SLC44A5: variants seen among roughly 807,000 people sequenced by gnomAD.
The protein encoded by SLC44A5 is choline transporter-like protein 5.
Under a neutral mutation model 101.8 loss-of-function variants are expected in SLC44A5, and 57 were observed. The ratio of observed to expected loss-of-function variants is 0.56; its 90% confidence interval spans 0.45 to 0.70. The LOEUF (loss-of-function observed/expected upper bound fraction) is 0.70. SLC44A5 is among the 30% of genes least tolerant of loss of function. The pLI, the probability that SLC44A5 is intolerant of heterozygous loss-of-function variation, is 0.00. For missense variants in SLC44A5, 737 were observed against 853.1 expected (o/e 0.86, Z 1.70); for synonymous variants, 281 against 290.9 (o/e 0.97, Z 0.35).
chr1:75,660,182 T>C, the SLC44A5 span, among the ~76,000 whole-genome samples: 1 of 152,116 alleles, frequency 6.6e-6, no homozygotes, highest in Non-Finnish European at 1.5e-5. Flanking sequence ...CTATCTAGCC[T>C]GGGCAACAGA....
intron 12 of SLC44A5, among the ~76,000 whole-genome samples, chr1:75,229,856 T>A (rs1647395692): frequency 6.6e-6 from 1 of 152,144 alleles, no homozygotes; most frequent in East Asian, 1.9e-4. Flanking sequence ...TGGATTTCTC[T>A]TCCTTTACTC....
intron 3 of SLC44A5, among the ~76,000 whole-genome samples, chr1:75,376,166 C>T (rs977827808): frequency 4.6e-5 from 7 of 152,252 alleles, no homozygotes; most frequent in African/African-American, 1.4e-4. Flanking sequence ...TTATATCCCA[C>T]ACCTGGCTCA....
At chr1:75,706,801 T>C in the SLC44A5 span, among the ~76,000 whole-genome samples, 3 of 152,226 alleles carry the variant, frequency 2.0e-5, no homozygotes, top group Admixed American at 6.5e-5. Context: ...TTTGGATTGA[T>C]ACATTTTCCT....
chr1:75,587,339 T>C (rs1030241970), intron 1 of SLC44A5, among the ~76,000 whole-genome samples: 1 of 152,214 alleles, frequency 6.6e-6, no homozygotes, highest in Non-Finnish European at 1.5e-5. Context: ...CAATTTGTTT[T>C]ACAGATAACA....
chr1:75,423,627 T>C (rs1664140326), intron 2 of SLC44A5, among the ~76,000 whole-genome samples: 1 of 152,244 alleles, frequency 6.6e-6, no homozygotes. Flanking sequence ...GCTACGTTAA[T>C]ATGTGCCTGG....
intron 1 of SLC44A5, among the ~76,000 whole-genome samples, chr1:75,551,246 ACTAGT>A (rs1464073797): frequency 6.6e-6 from 1 of 152,106 alleles, no homozygotes; most frequent in Admixed American, 6.6e-5. Context: ...TGAGTCCATA[ACTAGT>A]CATAATCTCA....
chr1:75,458,138 G>A (rs747315769), intron 2 of SLC44A5, among the ~76,000 whole-genome samples: 27 of 152,192 alleles, frequency 1.8e-4, no homozygotes, highest in African/African-American at 1.9e-4. Context: ...AAGCCTTAAA[G>A]AATGAGAACA....
chr1:75,274,680 A>G (rs1187110132), intron 6 of SLC44A5, among the ~76,000 whole-genome samples: 1 of 152,180 alleles, frequency 6.6e-6, no homozygotes, highest in Non-Finnish European at 1.5e-5. Flanking sequence ...ATAGCTTCTG[A>G]TAAAATCATT....
At chr1:75,467,120 C>T (rs1318123410) in intron 2 of SLC44A5, among the ~76,000 whole-genome samples, 9 of 151,894 alleles carry the variant, frequency 5.9e-5, no homozygotes, top group Non-Finnish European at 1.2e-4. Context: ...TAGGAATGAA[C>T]TAAAGAACTG....
the SLC44A5 span, among the ~76,000 whole-genome samples, chr1:75,711,385 C>G: frequency 6.6e-6 from 1 of 152,256 alleles, no homozygotes; most frequent in Non-Finnish European, 1.5e-5. Flanking sequence ...GTGACCTACA[C>G]ATAGCTTGTG....
chr1:75,466,243 A>T (rs1051952149), intron 2 of SLC44A5, among the ~76,000 whole-genome samples: 4 of 152,178 alleles, frequency 2.6e-5, no homozygotes, highest in African/African-American at 9.7e-5. Flanking sequence ...AATCCATGTG[A>T]TATATCATAT....
At chr1:75,436,398 T>A (rs1268655922) in intron 2 of SLC44A5, among the ~76,000 whole-genome samples, 1 of 152,154 alleles carries the variant, frequency 6.6e-6, no homozygotes, top group African/African-American at 2.4e-5. Flanking sequence ...AAAGAAACTT[T>A]CAATTGGTAA....
intron 13 of SLC44A5, 121 bp downstream of exon 13, chr1:75,227,593 ATAGACACATTAC>A: frequency 1.6e-6 from 1 of 628,828 alleles, no homozygotes; most frequent in Non-Finnish European, 2.5e-6. Flanking sequence ...TTAGAGGATT[ATAGACACATTAC>A]TTTTTATGAC....
intron 5 of SLC44A5, among the ~76,000 whole-genome samples, chr1:75,284,759 G>C (rs531258219): frequency 1.6e-4 from 25 of 152,156 alleles, no homozygotes; most frequent in Admixed American, 1.5e-3. Context: ...TGTGTCTATT[G>C]AGATGATCAT....
intron 5 of SLC44A5, among the ~76,000 whole-genome samples, chr1:75,288,655 C>A (rs1233149235): frequency 6.6e-6 from 1 of 152,176 alleles, no homozygotes; most frequent in Non-Finnish European, 1.5e-5. Flanking sequence ...TAAGCTCAAC[C>A]AAGTCATCGC....
chr1:75,365,725 T>C (rs1035181312), intron 3 of SLC44A5, among the ~76,000 whole-genome samples: 4 of 152,146 alleles, frequency 2.6e-5, no homozygotes, highest in Admixed American at 2.6e-4. Flanking sequence ...TGAGTTCTTG[T>C]TCTTTTTATT....
intron 1 of SLC44A5, among the ~76,000 whole-genome samples, chr1:75,557,637 T>C (rs1458235238): frequency 7.9e-5 from 12 of 152,098 alleles, no homozygotes; most frequent in Admixed American, 7.9e-4. Flanking sequence ...ATATGGTTCA[T>C]ATTTAGAAGA....
At chr1:75,417,525 T>C (rs1452104115) in intron 2 of SLC44A5, among the ~76,000 whole-genome samples, 1 of 152,222 alleles carries the variant, frequency 6.6e-6, no homozygotes, top group Non-Finnish European at 1.5e-5. Context: ...TAAATAACTA[T>C]GTCTAATCAA....
In SLC44A5 at chr1:75,588,594, T is replaced by C. The variant is rs776542496; in HGVS notation, c.-70+22446A>G. 5.5e-4 allele frequency among the ~76,000 whole-genome samples: 83 copies of C among 152,130 alleles called. 1 individual carries two copies. The highest frequency in any genetic ancestry group is 1.9e-4 in the Non-Finnish European group (13 of 68,008). On this transcript the variant is annotated intron_variant, in intron 1 of 23. Transcript: ENST00000370859. ...GGTTTTTTCTCCCCATCCCCAGAGA[T>C]AGATGTTTTTTAAAATTTTTTAAAA...
Sources: gnomAD v4.1 joint callset for allele counts (sites outside exome capture counted in the v4.1 genomes callset) on GRCh38, gnomAD v4.1.1 for gene constraint, MANE v1.5 for transcripts, NCBI Gene and HGNC (gene_info 2026-07-23, HGNC 2026-07-21) for gene names.